The following AFG2A variants were observed in gnomAD, a reference collection of about 807,000 sequenced individuals.
AFG2A encodes ATPase family gene 2 protein homolog A.
At chr4:123,193,734 A>G in the AFG2A span, among the ~76,000 whole-genome samples, 4 of 152,234 alleles carry the variant, frequency 2.6e-5, no homozygotes, top group African/African-American at 9.6e-5. Context: ...AAAAGAACAT[A>G]AAATACAGAA....
the AFG2A span, among the ~76,000 whole-genome samples, chr4:123,159,413 T>C: frequency 6.6e-6 from 1 of 152,118 alleles, no homozygotes; most frequent in Non-Finnish European, 1.5e-5. Flanking sequence ...AGTGTTGCAG[T>C]CAAGAGGCGT....
At chr4:123,127,387 A>G in the AFG2A span, among the ~76,000 whole-genome samples, 1 of 152,194 alleles carries the variant, frequency 6.6e-6, no homozygotes, top group African/African-American at 2.4e-5. Context: ...CAGTCAAACC[A>G]TAGTTCATTC....
the AFG2A span, among the ~76,000 whole-genome samples, chr4:123,046,213 C>A: frequency 6.6e-6 from 1 of 151,944 alleles, no homozygotes; most frequent in South Asian, 2.1e-4. Context: ...TTTATGATTT[C>A]TCAGTATCAC....
the AFG2A span, among the ~76,000 whole-genome samples, chr4:122,956,834 A>T: frequency 6.6e-6 from 1 of 152,220 alleles, no homozygotes; most frequent in Non-Finnish European, 1.5e-5. Context: ...ATTATGTAGT[A>T]TCATTTTCTT....
At chr4:122,989,187 G>T in the AFG2A span, among the ~76,000 whole-genome samples, 1 of 152,106 alleles carries the variant, frequency 6.6e-6, no homozygotes, top group Non-Finnish European at 1.5e-5. Context: ...TTGTGGACTT[G>T]TGTTATTGTC....
chr4:123,083,126 A>G, the AFG2A span, among the ~76,000 whole-genome samples: 3 of 152,172 alleles, frequency 2.0e-5, no homozygotes, highest in African/African-American at 2.4e-5. Context: ...TTCCTCCCCT[A>G]TCTGTACCTT....
chr4:123,244,776 A>G, the AFG2A span, among the ~76,000 whole-genome samples: 2 of 152,204 alleles, frequency 1.3e-5, no homozygotes, highest in African/African-American at 4.8e-5. Flanking sequence ...TGTTTTTGGT[A>G]CCACCTGCTG....
At chr4:123,091,968 C>T in the AFG2A span, among the ~76,000 whole-genome samples, 1 of 152,124 alleles carries the variant, frequency 6.6e-6, no homozygotes, top group South Asian at 2.1e-4. Context: ...AAAAAGACCC[C>T]TTTGAATGTA....
the AFG2A span, among the ~76,000 whole-genome samples, chr4:123,115,196 C>G: frequency 6.6e-6 from 1 of 152,104 alleles, no homozygotes; most frequent in East Asian, 1.9e-4. Context: ...ACCCGGCTCT[C>G]GGTGGCAGCC....
chr4:123,318,369 A>G, the AFG2A span: 1 of 152,238 alleles, frequency 6.6e-6, no homozygotes, highest in African/African-American at 2.4e-5. Flanking sequence ...GTTGGAAGTT[A>G]TGAATTTTTA....
chr4:123,114,034 A>G, the AFG2A span, among the ~76,000 whole-genome samples: 2 of 151,526 alleles, frequency 1.3e-5, no homozygotes, highest in African/African-American at 4.8e-5. Flanking sequence ...AGCTCTTAGC[A>G]GAGAGGAGGC....
chr4:123,105,367 T>A, the AFG2A span, among the ~76,000 whole-genome samples: 2 of 152,338 alleles, frequency 1.3e-5, no homozygotes, highest in African/African-American at 4.8e-5. Flanking sequence ...ATGCACATGG[T>A]TACTCAAGGC....
the AFG2A span, among the ~76,000 whole-genome samples, chr4:123,074,842 C>G: frequency 4.3e-4 from 66 of 152,238 alleles, no homozygotes; most frequent in Admixed American, 2.2e-3. Context: ...AAAATTTCTT[C>G]TTTCATTTAT....
chr4:123,139,932 T>C, the AFG2A span, among the ~76,000 whole-genome samples: 1 of 151,982 alleles, frequency 6.6e-6, no homozygotes, highest in African/African-American at 2.4e-5. Context: ...AGCAGAGAAA[T>C]AGGTTTCCAG....
At chr4:123,148,767 C>CT in the AFG2A span, among the ~76,000 whole-genome samples, 3 of 143,928 alleles carry the variant, frequency 2.1e-5, no homozygotes, top group Non-Finnish European at 3.0e-5. Flanking sequence ...CACACACACT[C>CT]TATTTTTTTT....
chr4:123,163,262 C>T, the AFG2A span, among the ~76,000 whole-genome samples: 12 of 152,220 alleles, frequency 7.9e-5, no homozygotes, highest in Admixed American at 1.3e-4. Flanking sequence ...GGTGAAACCC[C>T]GTCTCTACTA....
At chr4:123,037,247 A>T in the AFG2A span, among the ~76,000 whole-genome samples, 2 of 150,596 alleles carry the variant, frequency 1.3e-5, no homozygotes, top group African/African-American at 5.0e-5. Context: ...GATATGATGT[A>T]AAATAATGAA....
At chr4:123,110,752 AG>A in the AFG2A span, among the ~76,000 whole-genome samples, 25 of 152,204 alleles carry the variant, frequency 1.6e-4, no homozygotes, top group Non-Finnish European at 2.5e-4. Context: ...CCTGCAAAGT[AG>A]TACCTCTGTT....
the AFG2A span, among the ~76,000 whole-genome samples, chr4:123,094,634 T>C: frequency 0.91 from 138,123 of 152,094 alleles, 62,952 homozygotes; most frequent in East Asian, 0.98. Context: ...AGAAACAAGT[T>C]ACAGGAGCTG....
Sources: gnomAD v4.1 joint callset for allele counts (sites outside exome capture counted in the v4.1 genomes callset) on GRCh38, gnomAD v4.1.1 for gene constraint, MANE v1.5 for transcripts, NCBI Gene and HGNC (gene_info 2026-07-23, HGNC 2026-07-21) for gene names.